Variants in PALLD observed in about 807,000 individuals in gnomAD.
The protein encoded by PALLD is palladin.
In PALLD, 61 loss-of-function variants were observed where a neutral mutation model predicts 123.5. That is an observed-to-expected ratio of 0.49 (90% CI 0.40 to 0.61). The LOEUF (loss-of-function observed/expected upper bound fraction) is 0.61. Among genes scored for constraint, PALLD ranks in the 20% least tolerant of loss-of-function variants. The pLI is 0.00. For synonymous variants in PALLD, 465 were observed against 496.4 expected (o/e 0.94, Z 0.84); for missense variants, 1,273 against 1,377.0 (o/e 0.92, Z 1.20).
chr4:168,510,873 C>T (rs896610383), intron 1 of PALLD, among the ~76,000 whole-genome samples: 3 of 152,198 alleles, frequency 2.0e-5, no homozygotes, highest in Non-Finnish European at 4.4e-5. Flanking sequence ...CCCTGGCATA[C>T]AGCACAGCTG....
chr4:168,901,528 T>C lies in PALLD; in HGVS notation c.2473-2229T>C, dbSNP rs1756509016. 3.9e-5 allele frequency among the ~76,000 whole-genome samples: 6 copies of C among 152,240 alleles called. No individual in the cohort carries two copies. The South Asian group carries it at 8.3e-4, about 21-fold the overall frequency. ...TGGCAAGAATGCAAAAGGGAAGAAA[T>C]TGTATACTTATTACAGCTTCTTTTT... On this transcript the variant is annotated intron_variant, in intron 14 of 21. Coordinates refer to ENST00000505667, the MANE Select transcript of PALLD (RefSeq NM_001166108.2).
In PALLD at chr4:168,878,274, C is replaced by T. The variant is rs940061939; in HGVS notation, c.1965-12648C>T. On this transcript the variant is annotated intron_variant, in intron 10 of 21. Coordinates refer to ENST00000505667, the MANE Select transcript of PALLD (RefSeq NM_001166108.2). ...CCGGGACAGGCGTCCCACTGCTCGT[C>T]GCCTGCCACCCGCTTCGGCCACAGC... The T allele has an allele frequency of 6.6e-6, 10 of 1,526,648 alleles. No individual in the cohort carries two copies. Among genetic ancestry groups the T allele is most frequent in the African/African-American group, 2.8e-5 (2 of 71,970 alleles). 94.6% of individuals were successfully genotyped at this position (1,526,648 alleles called of 1,614,324 possible). A position where few individuals can be genotyped will look rare whatever the true frequency, so the allele number is the denominator to read the frequency against.
chr4:168,610,089 C>G (rs1220558295), intron 2 of PALLD, among the ~76,000 whole-genome samples: 4 of 152,174 alleles, frequency 2.6e-5, no homozygotes, highest in Admixed American at 6.5e-5. Flanking sequence ...TTCATAACTT[C>G]TTATTGCTGT....
At chr4:168,626,671 A>G (rs1775323532) in intron 2 of PALLD, among the ~76,000 whole-genome samples, 1 of 151,202 alleles carries the variant, frequency 6.6e-6, no homozygotes, top group Non-Finnish European at 1.5e-5. Flanking sequence ...AGATTATGCC[A>G]CTGCATTCCA....
intron 3 of PALLD, among the ~76,000 whole-genome samples, chr4:168,670,287 A>C (rs1280823328): frequency 6.6e-6 from 1 of 152,244 alleles, no homozygotes; most frequent in Admixed American, 6.5e-5. Flanking sequence ...AAATCATATT[A>C]GATTTAAGTA....
intron 2 of PALLD, among the ~76,000 whole-genome samples, chr4:168,528,087 C>G (rs2149474261): frequency 6.6e-6 from 1 of 152,296 alleles, no homozygotes; most frequent in South Asian, 2.1e-4. Context: ...ATGAAACCCT[C>G]CTTGCATTGT....
intron 15 of PALLD, among the ~76,000 whole-genome samples, chr4:168,910,832 A>G (rs1453825698): frequency 6.6e-6 from 1 of 152,206 alleles, no homozygotes; most frequent in African/African-American, 2.4e-5. Context: ...TTCCAGGATT[A>G]AGAGCACTAA....
intron 10 of PALLD, chr4:168,864,040 T>C (rs1346041462): frequency 6.6e-6 from 1 of 152,236 alleles, no homozygotes; most frequent in African/African-American, 2.4e-5. Context: ...ATTAGGACTA[T>C]AGTCCTTTAA....
chr4:168,847,836 G>C (rs1197434961), intron 10 of PALLD, among the ~76,000 whole-genome samples: 1 of 151,572 alleles, frequency 6.6e-6, no homozygotes, highest in African/African-American at 2.4e-5. Context: ...TATACTTTCT[G>C]ATACTTCAGT....
At chr4:168,815,463 C>T (rs1581613591) in intron 10 of PALLD, among the ~76,000 whole-genome samples, 2 of 152,192 alleles carry the variant, frequency 1.3e-5, no homozygotes, top group African/African-American at 4.8e-5. Flanking sequence ...CTTCCTCCAA[C>T]AAGAATGCAT....
At chr4:168,672,505 C>T (rs1253371733) in intron 3 of PALLD, among the ~76,000 whole-genome samples, 2 of 151,736 alleles carry the variant, frequency 1.3e-5, no homozygotes, top group Non-Finnish European at 2.9e-5. Context: ...GTCACCCAGG[C>T]TGGAGTGCAG....
chr4:168,797,707 T>C (rs1738709010), intron 10 of PALLD, among the ~76,000 whole-genome samples: 1 of 151,984 alleles, frequency 6.6e-6, no homozygotes, highest in African/African-American at 2.4e-5. Context: ...GCAAGAAAAA[T>C]ATGTTAATTT....
At chr4:168,862,961 T>C (rs1019713224) in intron 10 of PALLD, among the ~76,000 whole-genome samples, 38 of 152,182 alleles carry the variant, frequency 2.5e-4, no homozygotes, top group African/African-American at 9.2e-4. Flanking sequence ...AATGCTATCA[T>C]TTTGTGACAT....
chr4:168,816,836 G>A (rs1742035326), intron 10 of PALLD, among the ~76,000 whole-genome samples: 1 of 137,406 alleles, frequency 7.3e-6, no homozygotes, highest in Non-Finnish European at 1.5e-5. Flanking sequence ...GTGTGTGTGT[G>A]TGTGTGTGTG....
chr4:168,682,904 A>G (rs968650027), intron 4 of PALLD, 94 bp from the exon 5 acceptor site: 1 of 732,562 alleles, frequency 1.4e-6, no homozygotes. Flanking sequence ...TTTTCTGTTG[A>G]AACGTTTCAA....
At chr4:168,628,386 C>T (rs1227121512) in intron 2 of PALLD, among the ~76,000 whole-genome samples, 1 of 152,222 alleles carries the variant, frequency 6.6e-6, no homozygotes, top group Non-Finnish European at 1.5e-5. Flanking sequence ...TCCTGAAATA[C>T]TTACACTGGT....
chr4:168,739,484 G>T (rs928951772), intron 10 of PALLD, among the ~76,000 whole-genome samples: 1 of 152,160 alleles, frequency 6.6e-6, no homozygotes, highest in Non-Finnish European at 1.5e-5. Flanking sequence ...GAAAAAATAA[G>T]TTCTAATGTT....
chr4:168,656,262 CT>C (rs2149947292), intron 2 of PALLD, among the ~76,000 whole-genome samples: 1 of 119,278 alleles, frequency 8.4e-6, no homozygotes, highest in African/African-American at 3.2e-5. Flanking sequence ...ACCCCCAACG[CT>C]TTGGAGCCTT....
intron 2 of PALLD, among the ~76,000 whole-genome samples, chr4:168,644,006 G>T (rs1043570165): frequency 9.9e-5 from 15 of 151,810 alleles, no homozygotes; most frequent in African/African-American, 2.9e-4. Flanking sequence ...TTTCAAAACC[G>T]CTTGGTGCCT....
Sources: allele counts gnomAD v4.1 joint callset (sites outside exome capture counted in the v4.1 genomes callset), GRCh38; gene constraint gnomAD v4.1.1; transcripts MANE v1.5; gene names NCBI Gene and HGNC (gene_info 2026-07-23, HGNC 2026-07-21).